Variants in TLN2 observed in about 807,000 individuals in gnomAD.
TLN2 encodes talin 2.
TLN2 carries 118 observed loss-of-function variants against 294.7 expected under a neutral mutation model. The ratio of observed to expected loss-of-function variants is 0.40; its 90% confidence interval spans 0.34 to 0.47. The LOEUF (loss-of-function observed/expected upper bound fraction) is 0.47, where lower values mean the gene tolerates loss of function less well. TLN2 is among the 20% of genes least tolerant of loss of function. The pLI is 0.84. For missense variants in TLN2, 3,083 were observed against 3,282.2 expected, an observed-to-expected ratio of 0.94 and a Z score of 1.48; for synonymous variants, 1,431 against 1,304.5, an observed-to-expected ratio of 1.10 and a Z score of -2.09.
At chr15:62,439,650 A>T (rs1043167843) in intron 1 of TLN2, among the ~76,000 whole-genome samples, 2 of 152,144 alleles carry the variant, frequency 1.3e-5, no homozygotes, top group African/African-American at 4.8e-5. Flanking sequence ...GCATGCCACC[A>T]GCCTCTGGAA....
intron 1 of TLN2, among the ~76,000 whole-genome samples, chr15:62,444,506 A>G (rs184245027): frequency 2.6e-5 from 4 of 152,370 alleles, no homozygotes; most frequent in Non-Finnish European, 5.9e-5. Flanking sequence ...GAATTGGTCC[A>G]TATGTCTGCT....
chr15:62,722,567 T>C (rs2060211267), intron 26 of TLN2, 80 bp downstream of exon 26: 2 of 1,436,372 alleles, frequency 1.4e-6, no homozygotes, highest in Non-Finnish European at 1.8e-6. Context: ...GCCTGAACAC[T>C]GCTGAACCTA....
chr15:62,663,044 C>T (rs1251165333), intron 9 of TLN2, among the ~76,000 whole-genome samples: 5 of 151,954 alleles, frequency 3.3e-5, no homozygotes, highest in Non-Finnish European at 4.4e-5. Context: ...AGGATGGTCT[C>T]GATCTCCTGA....
intron 9 of TLN2, among the ~76,000 whole-genome samples, chr15:62,658,439 GAA>G (rs1199944852): frequency 6.6e-6 from 1 of 152,180 alleles, no homozygotes. Flanking sequence ...TGAGTAAGAA[GAA>G]AACTTAACTT....
chr15:62,544,060 G>C (rs2041853562), intron 1 of TLN2, among the ~76,000 whole-genome samples: 1 of 152,134 alleles, frequency 6.6e-6, no homozygotes. Context: ...CCTGATCTCT[G>C]AGAGAGCTGT....
intron 1 of TLN2, among the ~76,000 whole-genome samples, chr15:62,574,368 G>C (rs1428566410): frequency 6.6e-6 from 1 of 151,558 alleles, no homozygotes; most frequent in African/African-American, 2.4e-5. Context: ...ATGTGGCCAG[G>C]AGTTTAAGAC....
Position 62,657,866 on chromosome 15 carries a change from T to A in TLN2, c.756T>A (p.His252Gln). 2 of 1,613,798 alleles carry A rather than the reference T, an allele frequency of 1.2e-6. No homozygotes were observed. Among genetic ancestry groups the A allele is most frequent in the Non-Finnish European group, 8.5e-7 (1 of 1,179,886 alleles). The change falls in exon 9 of 59, where the codon CAT becomes CAA. Residue 252 changes from histidine (H) to glutamine (Q), a missense_variant. Physicochemically the swap from His to Gln is conservative, Grantham distance 24. Transcript: ENST00000636159. The part of the protein sequence containing the change: ...GFQAQIQFGP[H>Q]VEHKHKPGFL... The stretch of plus-strand genomic sequence containing the variant: ...AAGCCCAGATACAATTTGGACCTCA[T>A]GTGGAACATAAACACAAACCTGGAT...
chr15:62,665,514 T>C (rs1310209218), intron 9 of TLN2, among the ~76,000 whole-genome samples: 2 of 152,106 alleles, frequency 1.3e-5, no homozygotes, highest in Non-Finnish European at 2.9e-5. Context: ...CGTGAAGAAA[T>C]TGTCCAAGGG....
At chr15:62,590,520 G>A (rs535188309) in intron 2 of TLN2, among the ~76,000 whole-genome samples, 11 of 152,144 alleles carry the variant, frequency 7.2e-5, no homozygotes, top group Middle Eastern at 6.8e-3. Context: ...TGGCTGCATC[G>A]TATCCCACGG....
At chr15:62,666,933 A>G (rs1596576896) in intron 9 of TLN2, among the ~76,000 whole-genome samples, 3 of 152,192 alleles carry the variant, frequency 2.0e-5, no homozygotes, top group Admixed American at 6.5e-5. Context: ...CTTATCCAGC[A>G]GGTGTGGGAT....
At chr15:62,734,091 A>C (rs1567485421) in intron 28 of TLN2, 1 of 152,186 alleles carries the variant, frequency 6.6e-6, no homozygotes, top group African/African-American at 2.4e-5. Context: ...GAGATTTCAC[A>C]GTGAGTCCTT....
At chr15:62,497,456 C>T (rs2039069638) in intron 1 of TLN2, among the ~76,000 whole-genome samples, 1 of 152,230 alleles carries the variant, frequency 6.6e-6, no homozygotes, top group East Asian at 1.9e-4. Flanking sequence ...TTCCTCTGCT[C>T]CTTCTGGAAC....
At chr15:62,799,803 A>T (rs148058440) in intron 48 of TLN2, among the ~76,000 whole-genome samples, 3 of 152,352 alleles carry the variant, frequency 2.0e-5, no homozygotes, top group Non-Finnish European at 4.4e-5. Flanking sequence ...CTCTGAGGAC[A>T]TGACATTTGA....
intron 1 of TLN2, among the ~76,000 whole-genome samples, chr15:62,546,030 A>G (rs546568099): frequency 6.6e-6 from 1 of 152,260 alleles, no homozygotes; most frequent in South Asian, 2.1e-4. Flanking sequence ...TGGGGCTGGA[A>G]CATTCTGGAA....
chr15:62,735,572 C>T (rs1159045869), intron 28 of TLN2, among the ~76,000 whole-genome samples: 3 of 152,152 alleles, frequency 2.0e-5, no homozygotes, highest in African/African-American at 4.8e-5. Flanking sequence ...AATTAAAATC[C>T]GATGCTACCT....
chr15:62,796,922 C>G (rs1306563644), intron 47 of TLN2, among the ~76,000 whole-genome samples: 1 of 152,164 alleles, frequency 6.6e-6, no homozygotes, highest in Non-Finnish European at 1.5e-5. Context: ...AAGAAGCTGA[C>G]CTTTCATTGA....
chr15:62,693,315 G>C (rs558719724), intron 13 of TLN2, among the ~76,000 whole-genome samples: 1 of 152,288 alleles, frequency 6.6e-6, no homozygotes, highest in South Asian at 2.1e-4. Flanking sequence ...CTGGGTGACA[G>C]AGCGAGATTC....
At chr15:62,769,402 G>A (rs1001893607) in intron 41 of TLN2, among the ~76,000 whole-genome samples, 8 of 152,140 alleles carry the variant, frequency 5.3e-5, no homozygotes, top group East Asian at 1.9e-4. Context: ...AAGTAGGGAC[G>A]AAAATTCAGC....
At chr15:62,596,672 A>G (rs2046546304) in intron 2 of TLN2, among the ~76,000 whole-genome samples, 1 of 151,856 alleles carries the variant, frequency 6.6e-6, no homozygotes, top group Admixed American at 6.6e-5. Flanking sequence ...TGGGAGGTAG[A>G]GGTTGCAGTG....
Sources: gnomAD v4.1 joint callset for allele counts (sites outside exome capture counted in the v4.1 genomes callset) on GRCh38, gnomAD v4.1.1 for gene constraint, MANE v1.5 for transcripts, NCBI Gene and HGNC (gene_info 2026-07-23, HGNC 2026-07-21) for gene names.